The following VSIG10 variants were observed in gnomAD, a reference collection of about 807,000 sequenced individuals.
VSIG10 encodes the protein V-set and immunoglobulin domain-containing protein 10.
VSIG10 carries 48 observed loss-of-function variants against 58.7 expected under a neutral mutation model. The observed-to-expected ratio is 0.82, with a 90% CI of 0.65 to 1.04. VSIG10 has a LOEUF of 1.04. Among genes scored for constraint, VSIG10 ranks in the 50% least tolerant of loss-of-function variants. The pLI is 0.00. For missense variants in VSIG10, 628 were observed against 670.0 expected (o/e 0.94, Z 0.69); for synonymous variants, 260 against 267.1 (o/e 0.97, Z 0.26).
chr12:118,094,956 C>T (rs1398651328), intron 2 of VSIG10, among the ~76,000 whole-genome samples: 3 of 133,648 alleles, frequency 2.2e-5, no homozygotes, highest in Non-Finnish European at 4.7e-5. Flanking sequence ...CAGGATGGAG[C>T]GCAGTGGCGC....
At chr12:118,074,277 T>C (rs916163930) in intron 4 of VSIG10, among the ~76,000 whole-genome samples, 1 of 151,944 alleles carries the variant, frequency 6.6e-6, no homozygotes, top group Non-Finnish European at 1.5e-5. Context: ...AGAGACAGGG[T>C]TTCACCATGT....
intron 8 of VSIG10, among the ~76,000 whole-genome samples, chr12:118,068,132 G>C (rs2053504671): frequency 2.2e-5 from 3 of 138,008 alleles, no homozygotes; most frequent in Non-Finnish European, 3.1e-5. Flanking sequence ...ACACTCAAGT[G>C]ATCCTCAGCC....
chr12:118,072,711 A>AC (rs2032547304), intron 5 of VSIG10, among the ~76,000 whole-genome samples: 1 of 151,788 alleles, frequency 6.6e-6, no homozygotes, highest in South Asian at 2.1e-4. Context: ...TAAAATAAAA[A>AC]GAAATAAGTA....
chr12:118,071,577 T>G lies in VSIG10; in HGVS notation c.1220-108A>C. Reference sequence around the variant, plus strand: ...CAGTTCTTGTCTTGATTCCTGACCTTGGGTAAGGCTTATGACCTGTCTGTA... The same window carrying G: ...CAGTTCTTGTCTTGATTCCTGACCTGGGGTAAGGCTTATGACCTGTCTGTA... On this transcript the variant is annotated intron_variant, in intron 5 of 8. Transcript: ENST00000359236. 1.1e-5 allele frequency: 11 copies of G among 996,100 alleles called. No homozygotes were observed. In the South Asian group the frequency reaches 1.1e-4, roughly 10 times the overall value. 61.7% of individuals were successfully genotyped at this position (996,100 alleles called of 1,614,324 possible).
At chr12:118,100,645 C>T (rs1159103229) in intron 1 of VSIG10, among the ~76,000 whole-genome samples, 3 of 152,148 alleles carry the variant, frequency 2.0e-5, no homozygotes, top group Admixed American at 6.5e-5. Flanking sequence ...TCTCCCGCCT[C>T]AGTCTTCTGA....
At chr12:118,068,273 G>T (rs2032335055) in intron 8 of VSIG10, 104 bp downstream of exon 8, 6 of 1,003,054 alleles carry the variant, frequency 6.0e-6, no homozygotes, top group East Asian at 7.1e-5. Flanking sequence ...GGGCTTAAGT[G>T]ATCTTCCCAC....
intron 3 of VSIG10, among the ~76,000 whole-genome samples, chr12:118,081,233 G>A (rs538255455): frequency 3.9e-4 from 60 of 152,232 alleles, no homozygotes; most frequent in African/African-American, 1.4e-3. Flanking sequence ...GTGACAGAGC[G>A]AGACTCGGTC....
At chr12:118,067,028 G>A (rs1004804544) in intron 8 of VSIG10, among the ~76,000 whole-genome samples, 8 of 151,868 alleles carry the variant, frequency 5.3e-5, no homozygotes, top group African/African-American at 1.9e-4. Flanking sequence ...CCCCTGACCA[G>A]CACACCTCTC....
chr12:118,069,163 C>A (rs927255350), intron 7 of VSIG10, among the ~76,000 whole-genome samples: 1 of 152,054 alleles, frequency 6.6e-6, no homozygotes, highest in Non-Finnish European at 1.5e-5. Flanking sequence ...AATCTTGGCT[C>A]ACTGCAACCT....
chr12:118,091,641 C>T (rs2033303220), intron 2 of VSIG10, among the ~76,000 whole-genome samples: 1 of 152,194 alleles, frequency 6.6e-6, no homozygotes, highest in Non-Finnish European at 1.5e-5. Context: ...TGGCATCAAG[C>T]TCTCAATGAA....
intron 4 of VSIG10, among the ~76,000 whole-genome samples, chr12:118,075,745 G>A (rs756503105): frequency 2.0e-5 from 3 of 151,636 alleles, no homozygotes; most frequent in Non-Finnish European, 4.4e-5. Context: ...ACTGTTACAT[G>A]TATTAACCCA....
At chr12:118,075,226 A>G (rs12820067) in intron 4 of VSIG10, among the ~76,000 whole-genome samples, 6,711 of 149,284 alleles carry the variant, frequency 0.045, 212 homozygotes, top group Non-Finnish European at 0.071. Flanking sequence ...GTGTGTGTGT[A>G]TATATATATA....
chr12:118,073,605 C>A (rs1257208501), intron 5 of VSIG10, 94 bp downstream of exon 5: 12 of 1,425,472 alleles, frequency 8.4e-6, no homozygotes, highest in Non-Finnish European at 1.1e-5. Context: ...GGCAGTGACC[C>A]ATGTGTAGGG....
chr12:118,086,293 C>A (rs1182142294), intron 2 of VSIG10, among the ~76,000 whole-genome samples: 1 of 151,900 alleles, frequency 6.6e-6, no homozygotes, highest in Non-Finnish European at 1.5e-5. Context: ...CAAAACAAAA[C>A]CCTGTCCCTA....
intron 3 of VSIG10, among the ~76,000 whole-genome samples, 163 bp from the exon 4 acceptor site, chr12:118,079,769 G>A (rs1382116344): frequency 6.6e-6 from 1 of 152,200 alleles, no homozygotes; most frequent in Admixed American, 6.5e-5. Flanking sequence ...ACAACAGTCA[G>A]GCTTCCTCTG....
chr12:118,094,752 T>C (rs939949337), intron 2 of VSIG10, among the ~76,000 whole-genome samples: 2 of 151,588 alleles, frequency 1.3e-5, no homozygotes, highest in Non-Finnish European at 2.9e-5. Flanking sequence ...TTTTTTTTTT[T>C]CTGAGACGGA....
At chr12:118,097,440 C>T (rs1331331029) in intron 1 of VSIG10, among the ~76,000 whole-genome samples, 1 of 151,956 alleles carries the variant, frequency 6.6e-6, no homozygotes, top group Non-Finnish European at 1.5e-5. Flanking sequence ...CATGGTGAAA[C>T]CCCGTCTCTG....
rs188662465 is a variant in VSIG10, at chr12:118,098,017, G to A, written c.80-2203C>T. On this transcript the variant is annotated intron_variant, in intron 1 of 8. Transcript: ENST00000359236. ...CTAGATCAGCCTTCAGCTAGTCATC[G>A]ATCCCCAGGCAGATCAGCAGAGCCC... Among the ~76,000 whole-genome samples the A allele has an allele frequency of 3.2e-4, 48 of 152,220 alleles. No individual in the cohort carries two copies. The East Asian group carries it at 8.3e-3, about 26-fold the overall frequency.
chr12:118,103,577 G>A lies in VSIG10; in HGVS notation c.79+16C>T, dbSNP rs1179416779. ...TGGGAAAACTCAACTTTTCCCTCCA[G>A]ATCGCGGCCCCTTACCTACGGCGAC... On this transcript the variant is annotated intron_variant, in intron 1 of 8. Transcript: ENST00000359236. 3 of 1,517,150 alleles carry A rather than the reference G, an allele frequency of 2.0e-6. No individual in the cohort carries two copies. The highest frequency in any genetic ancestry group is 4.1e-5 in the Admixed American group (2 of 49,108). 94.0% of individuals were successfully genotyped at this position (1,517,150 alleles called of 1,614,324 possible). A position where few individuals can be genotyped will look rare whatever the true frequency, so the allele number is the denominator to read the frequency against.
Sources: allele counts gnomAD v4.1 joint callset (sites outside exome capture counted in the v4.1 genomes callset), GRCh38; gene constraint gnomAD v4.1.1; transcripts MANE v1.5; gene names NCBI Gene and HGNC (gene_info 2026-07-23, HGNC 2026-07-21).